KCNH7: variants seen among roughly 807,000 people sequenced by gnomAD.
The protein encoded by KCNH7 is potassium voltage-gated channel subfamily H member 7.
Under a neutral mutation model 120.8 loss-of-function variants are expected in KCNH7, and 49 were observed. That is an observed-to-expected ratio of 0.41 (90% CI 0.32 to 0.51). KCNH7 has a LOEUF of 0.51. KCNH7 is among the 20% of genes least tolerant of loss of function. KCNH7 has a pLI of 0.38. For missense variants in KCNH7, 1,097 were observed against 1,446.6 expected (o/e 0.76, Z 3.92); for synonymous variants, 547 against 516.1 (o/e 1.06, Z -0.81).
chr2:162,716,347 T>A (rs1362866397), intron 2 of KCNH7, among the ~76,000 whole-genome samples: 2 of 152,146 alleles, frequency 1.3e-5, no homozygotes, highest in Non-Finnish European at 2.9e-5. Flanking sequence ...TCTATAAAAA[T>A]TTGTTCTCAA....
chr2:162,718,817 A>G (rs1241879948), intron 2 of KCNH7, among the ~76,000 whole-genome samples: 1 of 152,056 alleles, frequency 6.6e-6, no homozygotes, highest in Non-Finnish European at 1.5e-5. Flanking sequence ...CTGATTCTGC[A>G]TATGGATACC....
intron 12 of KCNH7, among the ~76,000 whole-genome samples, chr2:162,390,209 T>C (rs1478906664): frequency 6.6e-6 from 1 of 151,608 alleles, no homozygotes; most frequent in African/African-American, 2.4e-5. Context: ...TAAGTAAACA[T>C]ACATAAATGT....
At chr2:162,479,172 CTT>C (rs1257495448) in intron 6 of KCNH7, among the ~76,000 whole-genome samples, 1 of 132,288 alleles carries the variant, frequency 7.6e-6, no homozygotes, top group Admixed American at 7.6e-5. Context: ...ATGTGAAAGT[CTT>C]TTTTTTTTTT....
At chr2:162,507,573 C>T (rs1480045753) in intron 5 of KCNH7, among the ~76,000 whole-genome samples, 33 of 151,468 alleles carry the variant, frequency 2.2e-4, no homozygotes, top group South Asian at 2.1e-4. Flanking sequence ...CATTACATAA[C>T]AAAGCATGTT....
chr2:162,373,741 T>A (rs1686052249), intron 14 of KCNH7, 79 bp from the exon 15 acceptor site: 2 of 971,958 alleles, frequency 2.1e-6, no homozygotes, highest in Non-Finnish European at 2.8e-6. Flanking sequence ...ATTTCAGCAC[T>A]ACCAAGAAAC....
chr2:162,629,260 A>G (rs1683673871), intron 2 of KCNH7, among the ~76,000 whole-genome samples: 1 of 152,222 alleles, frequency 6.6e-6, no homozygotes, highest in African/African-American at 2.4e-5. Context: ...GAGGCATTTT[A>G]GTTGAAACTC....
chr2:162,394,540 G>T, intron 11 of KCNH7, 55 bp from the exon 12 acceptor site: 1 of 972,916 alleles, frequency 1.0e-6, no homozygotes, highest in Non-Finnish European at 1.6e-6. Flanking sequence ...AGAACACAAT[G>T]TACTATTCAG....
At chr2:162,712,845 T>A (rs987174255) in intron 2 of KCNH7, among the ~76,000 whole-genome samples, 15 of 152,204 alleles carry the variant, frequency 9.9e-5, no homozygotes, top group African/African-American at 3.6e-4. Flanking sequence ...AGAAGAAAAG[T>A]TCTTCTTACT....
intron 9 of KCNH7, among the ~76,000 whole-genome samples, chr2:162,417,568 C>G (rs1687576715): frequency 6.6e-6 from 1 of 152,176 alleles, no homozygotes; most frequent in Admixed American, 6.5e-5. Context: ...GAAACTGAAG[C>G]ATCAAAGTAG....
intron 6 of KCNH7, among the ~76,000 whole-genome samples, chr2:162,475,574 C>T (rs535666365): frequency 2.0e-4 from 31 of 152,282 alleles, no homozygotes; most frequent in Admixed American, 5.2e-4. Flanking sequence ...CAGATACATA[C>T]AGTGAAAGCT....
At position 162,437,223 on chromosome 2, in the gene KCNH7, C is replaced by T. The variant is rs115976085; in HGVS notation, c.1555-1626G>A. On this transcript the variant is annotated intron_variant, in intron 7 of 15. Transcript: ENST00000332142. ...CCCTTAGTCTCCCCTGAATTATTCT[C>T]TGTTAGTATTGGAACCCTTTAAAGT... is the stretch of plus-strand genomic sequence containing the variant. Among the ~76,000 whole-genome samples, 665 of 152,226 alleles carry T rather than the reference C, an allele frequency of 4.4e-3. 6 individuals carry two copies. The highest frequency in any genetic ancestry group is 0.015 in the African/African-American group (622 of 41,544).
At chr2:162,408,603 G>A (rs1368514711) in intron 9 of KCNH7, among the ~76,000 whole-genome samples, 1 of 151,808 alleles carries the variant, frequency 6.6e-6, no homozygotes, top group Non-Finnish European at 1.5e-5. Context: ...ATACATAAAA[G>A]AATAAAATTT....
intron 2 of KCNH7, among the ~76,000 whole-genome samples, chr2:162,559,631 T>C (rs899298076): frequency 1.1e-4 from 17 of 152,224 alleles, no homozygotes; most frequent in Admixed American, 1.0e-3. Context: ...ATTACCCTTA[T>C]CACACTTCAT....
In KCNH7 at chr2:162,668,455, A is replaced by T. The variant is rs551934914; in HGVS notation, c.308-131375T>A. On this transcript the variant is annotated intron_variant, in intron 2 of 15. Coordinates refer to ENST00000332142, the MANE Select transcript of KCNH7 (RefSeq NM_033272.4). ...AGGAAGGACAAGACTTTTCATGAGA[A>T]CTAAAAATCACAAGCCACCACTGAT... Among the ~76,000 whole-genome samples, 3 of 152,298 alleles carry T rather than the reference A, an allele frequency of 2.0e-5. No homozygotes were observed. The East Asian group carries it at 5.8e-4, about 29-fold the overall frequency.
chr2:162,817,233 C>G (rs965873813), intron 2 of KCNH7, among the ~76,000 whole-genome samples: 1 of 152,140 alleles, frequency 6.6e-6, no homozygotes, highest in African/African-American at 2.4e-5. Context: ...CTTAACCCCC[C>G]GTCCTAGAGG....
rs565470027 is a variant in KCNH7 at position 162,472,216 on chromosome 2, AC to A, written c.1129-25774del. Among the ~76,000 whole-genome samples the A allele has an allele frequency of 9.9e-3, 1,501 of 152,350 alleles. 8 individuals are homozygous for A. Among genetic ancestry groups the A allele is most frequent in the Admixed American group, 0.015 (223 of 15,310 alleles). On this transcript the variant is annotated intron_variant, in intron 6 of 15. Transcript: ENST00000332142. ...GTCTAAAACACCAAAAGCAATGGCA[AC>A]AAAAGCCAAAATTGACAAATGGGAT...
intron 2 of KCNH7, among the ~76,000 whole-genome samples, chr2:162,662,178 G>T (rs535460047): frequency 1.3e-5 from 2 of 152,036 alleles, no homozygotes; most frequent in South Asian, 2.1e-4. Context: ...CAGGAGAATC[G>T]CTTGAACCCA....
At chr2:162,467,738 CT>C (rs1409381489) in intron 6 of KCNH7, among the ~76,000 whole-genome samples, 1 of 152,154 alleles carries the variant, frequency 6.6e-6, no homozygotes, top group African/African-American at 2.4e-5. Flanking sequence ...AAGCTTAGTC[CT>C]TTTGGGCTGC....
intron 9 of KCNH7, among the ~76,000 whole-genome samples, chr2:162,402,381 G>A (rs535826711): frequency 8.6e-4 from 127 of 146,926 alleles, no homozygotes; most frequent in African/African-American, 3.1e-3. Context: ...TAAAATGCTG[G>A]CCACTTTGCT....
Sources: allele counts gnomAD v4.1 joint callset (sites outside exome capture counted in the v4.1 genomes callset), GRCh38; gene constraint gnomAD v4.1.1; transcripts MANE v1.5; gene names NCBI Gene and HGNC (gene_info 2026-07-23, HGNC 2026-07-21).